The following HEPHL1 variants were observed in gnomAD, a reference collection of about 807,000 sequenced individuals.
HEPHL1 encodes ferroxidase HEPHL1.
A neutral mutation model predicts 122.0 loss-of-function variants in HEPHL1; 123 were observed. The ratio of observed to expected loss-of-function variants is 1.01; its 90% CI spans 0.87 to 1.17. The LOEUF is 1.17. Ranked by LOEUF, HEPHL1 falls within the 50% of genes most tolerant of loss-of-function variation. The probability of loss-of-function intolerance (pLI) is 0.00; values close to 1 mark genes in which losing one functional copy is unlikely to be tolerated. For missense variants in HEPHL1, 1,452 were observed against 1,430.5 expected (o/e 1.01, Z -0.24); for synonymous variants, 527 against 508.9 (o/e 1.04, Z -0.48).
intron 2 of HEPHL1, among the ~76,000 whole-genome samples, chr11:94,049,676 A>G (rs948436874): frequency 9.2e-5 from 14 of 151,790 alleles, no homozygotes; most frequent in African/African-American, 3.4e-4. Flanking sequence ...AGTGCTCTTA[A>G]TTCTGCTCCA....
intron 2 of HEPHL1, among the ~76,000 whole-genome samples, chr11:94,054,543 C>T (rs1945919299): frequency 6.6e-6 from 1 of 152,240 alleles, no homozygotes; most frequent in Non-Finnish European, 1.5e-5. Flanking sequence ...CTCTCCAGCA[C>T]CTCTCTTCAG....
In HEPHL1 at chr11:94,111,071, G is replaced by C; in HGVS notation, c.3208+6G>C. The C allele has an allele frequency of 6.4e-7, 1 of 1,563,798 alleles. No individual in the cohort carries two copies. The highest frequency in any genetic ancestry group is 8.7e-7 in the Non-Finnish European group (1 of 1,150,762). On this transcript the variant is annotated splice_donor_region_variant and intron_variant, in intron 18 of 19. Coordinates refer to ENST00000315765, the MANE Select transcript of HEPHL1 (RefSeq NM_001098672.2). ...CACGGTCCTTCGTAACATAGGTACG[G>C]TTGTCTGTCAGTGATGCCAGATGAT...
chr11:94,046,058 T>A (rs1476662270), intron 2 of HEPHL1, 141 bp downstream of exon 2: 1 of 495,402 alleles, frequency 2.0e-6, no homozygotes, highest in Non-Finnish European at 3.5e-6. Context: ...TCCATCTCCA[T>A]CTATCTATTC....
At position 94,036,697 on chromosome 11, in the gene HEPHL1, G is replaced by A. The variant is rs1388975773; in HGVS notation, c.171-8976G>A. On this transcript the variant is annotated intron_variant, in intron 1 of 19. Coordinates refer to ENST00000315765, the MANE Select transcript of HEPHL1 (RefSeq NM_001098672.2). ...TAAACAAAATACAAAAAATTAGCCCGGCGTGGTGGCAGGCGCCTGTAGTCC... is the reference window on the plus strand; with the variant it reads ...TAAACAAAATACAAAAAATTAGCCCAGCGTGGTGGCAGGCGCCTGTAGTCC... Among the ~76,000 whole-genome samples, 6 of 152,176 alleles carry A rather than the reference G, an allele frequency of 3.9e-5. No homozygotes were observed. The South Asian group carries it at 1.0e-3, about 26-fold the overall frequency.
intron 11 of HEPHL1, among the ~76,000 whole-genome samples, chr11:94,087,891 A>G (rs1028437107): frequency 4.6e-5 from 7 of 152,240 alleles, no homozygotes; most frequent in Non-Finnish European, 8.8e-5. Context: ...ATAGCAAGAT[A>G]GAGGATACCT....
At chr11:94,080,601 G>GA (rs1946162897) in intron 9 of HEPHL1, among the ~76,000 whole-genome samples, 1 of 151,674 alleles carries the variant, frequency 6.6e-6, no homozygotes, top group South Asian at 2.1e-4. Flanking sequence ...AAATTTAAAA[G>GA]AAGAAAAACT....
intron 2 of HEPHL1, among the ~76,000 whole-genome samples, chr11:94,048,682 C>T (rs1049579346): frequency 3.9e-5 from 6 of 152,220 alleles, no homozygotes; most frequent in African/African-American, 1.4e-4. Flanking sequence ...ATTTTGAACC[C>T]ACTTTTAAGA....
At chr11:94,068,347 A>C (rs1946050780) in intron 5 of HEPHL1, among the ~76,000 whole-genome samples, 1 of 152,222 alleles carries the variant, frequency 6.6e-6, no homozygotes, top group African/African-American at 2.4e-5. Context: ...GTGAGTAGTT[A>C]TAGCAGCTCA....
chr11:94,021,616 G>A, intron 1 of HEPHL1, 78 bp downstream of exon 1: 2 of 1,183,816 alleles, frequency 1.7e-6, no homozygotes, highest in Admixed American at 4.3e-5. Context: ...TGTATTTCTT[G>A]GGTACTTACA....
intron 1 of HEPHL1, among the ~76,000 whole-genome samples, chr11:94,033,021 CA>C (rs1945689939): frequency 6.6e-6 from 1 of 152,152 alleles, no homozygotes; most frequent in South Asian, 2.1e-4. Flanking sequence ...AGGGAAGAAT[CA>C]GGGGAGAAGT....
intron 8 of HEPHL1, among the ~76,000 whole-genome samples, chr11:94,074,833 T>C (rs1317591630): frequency 6.6e-6 from 1 of 152,192 alleles, no homozygotes; most frequent in Non-Finnish European, 1.5e-5. Context: ...AGACCAAGTG[T>C]AATATATTCT....
At chr11:94,094,767 T>A (rs1258701891) in intron 13 of HEPHL1, among the ~76,000 whole-genome samples, 2 of 152,238 alleles carry the variant, frequency 1.3e-5, no homozygotes, top group African/African-American at 4.8e-5. Context: ...GAGCATTTTT[T>A]CATGTGTCTG....
chr11:94,079,518 G>A (rs1356565), intron 9 of HEPHL1, among the ~76,000 whole-genome samples: 84,841 of 152,020 alleles, frequency 0.56, 23,841 homozygotes, highest in Admixed American at 0.62. Context: ...TACTCACCTC[G>A]TTGATGAGGA....
At chr11:94,096,449 AATGTTC>A (rs1473903198) in intron 13 of HEPHL1, among the ~76,000 whole-genome samples, 1 of 152,128 alleles carries the variant, frequency 6.6e-6, no homozygotes, top group East Asian at 1.9e-4. Context: ...TTTTTGCATC[AATGTTC>A]ATTAGGGATA....
chr11:94,063,585 G>A lies in HEPHL1; in HGVS notation c.493G>A (p.Val165Ile), dbSNP rs772340464. 11 of 1,613,654 alleles carry A rather than the reference G, an allele frequency of 6.8e-6. No individual in the cohort carries two copies. The highest frequency in any genetic ancestry group is 1.3e-5 in the African/African-American group (1 of 74,968). Residue 165 changes from valine to isoleucine, a missense_variant, in exon 3 of 20, where the codon GTC (valine) becomes ATC (isoleucine). Transcript: ENST00000315765. ...TCCTCCTGGGAAAAACTACACCTACGTCTGGCCGGTGAGAGAAGAATATGC... is the reference window on the plus strand; with the variant it reads ...TCCTCCTGGGAAAAACTACACCTACATCTGGCCGGTGAGAGAAGAATATGC... The part of the protein sequence containing the change: ...MVPPGKNYTY[V>I]WPVREEYAPT...
chr11:94,083,757 G>A (rs1330156725), intron 10 of HEPHL1, among the ~76,000 whole-genome samples: 4 of 79,942 alleles, frequency 5.0e-5, no homozygotes, highest in Admixed American at 1.6e-4. Flanking sequence ...TGGAAAGCAT[G>A]GAGTAGTACA....
At chr11:94,031,162 G>C (rs2134404713) in intron 1 of HEPHL1, among the ~76,000 whole-genome samples, 1 of 152,122 alleles carries the variant, frequency 6.6e-6, no homozygotes, top group Admixed American at 6.5e-5. Context: ...TGTAGGTACA[G>C]AGTAACCGCC....
intron 1 of HEPHL1, among the ~76,000 whole-genome samples, chr11:94,029,200 G>A (rs140603796): frequency 6.1e-4 from 93 of 152,272 alleles, no homozygotes; most frequent in African/African-American, 2.2e-3. Flanking sequence ...ACCTTCATGG[G>A]TCAACCCTGT....
At chr11:94,043,746 T>C (rs1256802180) in intron 1 of HEPHL1, among the ~76,000 whole-genome samples, 3 of 152,014 alleles carry the variant, frequency 2.0e-5, no homozygotes, top group African/African-American at 4.8e-5. Flanking sequence ...TTCGAGAGTA[T>C]ACTGAAGCAT....
Sources: gnomAD v4.1 joint callset for allele counts (sites outside exome capture counted in the v4.1 genomes callset) on GRCh38, gnomAD v4.1.1 for gene constraint, MANE v1.5 for transcripts, NCBI Gene and HGNC (gene_info 2026-07-23, HGNC 2026-07-21) for gene names.